The following NIF3L1 variants were observed in gnomAD, a reference collection of about 807,000 sequenced individuals.
NIF3L1 encodes the protein NGG1 interacting factor 3 like 1.
In NIF3L1, 26 loss-of-function variants were observed where a neutral mutation model predicts 35.0. The observed-to-expected ratio is 0.74, with a 90% CI of 0.54 to 1.03. The LOEUF is 1.03. Among genes scored for constraint, NIF3L1 ranks in the 50% least tolerant of loss-of-function variants. The pLI is 0.00. For synonymous variants in NIF3L1, 157 were observed against 178.9 expected, an observed-to-expected ratio of 0.88 and a Z score of 0.98; for missense variants, 449 against 466.3, an observed-to-expected ratio of 0.96 and a Z score of 0.34.
intron 2 of NIF3L1, 73 bp from the exon 3 acceptor site, chr2:200,893,173 C>T: frequency 1.7e-6 from 2 of 1,203,028 alleles, no homozygotes; most frequent in Non-Finnish European, 1.1e-6. Flanking sequence ...GAAATTTTGC[C>T]TATAATAGTT....
At position 200,903,601 on chromosome 2, in the gene NIF3L1, A is replaced by G. The variant is rs767000597; in HGVS notation, c.1057A>G (p.Met353Val). The G allele has an allele frequency of 6.2e-7, 1 of 1,613,924 alleles. No individual in the cohort carries two copies. Among genetic ancestry groups the G allele is most frequent in the Non-Finnish European group, 8.5e-7 (1 of 1,179,764 alleles). ...ERGFLSDLRD[M>V]LDSHLENKIN... ...AGGCTTTCTTTCTGACCTTCGAGATATGCTGGATTCTCACTTGGAGAATAA... is the reference window on the plus strand; with the variant it reads ...AGGCTTTCTTTCTGACCTTCGAGATGTGCTGGATTCTCACTTGGAGAATAA... The change falls in exon 7 of 7, where the codon ATG becomes GTG. Residue 353 changes from methionine to valine, a missense_variant. Physicochemically the swap from Met to Val is conservative, Grantham distance 21. Coordinates refer to ENST00000409020, the MANE Select transcript of NIF3L1 (RefSeq NM_001369441.2).
chr2:200,892,232 T>A lies in NIF3L1; in HGVS notation c.289T>A (p.Phe97Ile), dbSNP rs769454854. The A allele has an allele frequency of 1.2e-6, 2 of 1,614,216 alleles. No individual in the cohort carries two copies. Among genetic ancestry groups the A allele is most frequent in the Admixed American group, 3.3e-5 (2 of 60,030 alleles). Reference sequence around the variant, plus strand: ...CATTCTCTCCTACCATCCGCCTATCTTCCGACCCATGAAGCGCATAACCTG... The same window carrying A: ...CATTCTCTCCTACCATCCGCCTATCATCCGACCCATGAAGCGCATAACCTG... ...DLILSYHPPI[F>I]RPMKRITWNT... The change falls in exon 2 of 7, where the codon TTC (phenylalanine) becomes ATC (isoleucine). Residue 97 changes from phenylalanine to isoleucine, a missense_variant. Transcript: ENST00000409020.
Position 200,903,475 on chromosome 2 carries a change from G to A in NIF3L1, c.950-19G>A, listed in dbSNP as rs766716924. 1.9e-5 allele frequency: 30 copies of A among 1,601,576 alleles called. No homozygotes were observed. The highest frequency in any genetic ancestry group is 2.5e-5 in the Non-Finnish European group (29 of 1,169,550). On this transcript the variant is annotated intron_variant, in intron 6 of 6. Transcript: ENST00000409020. Reference sequence around the variant, plus strand: ...TTCCATATTTAGCATTTAAGAATTTGCTCTTCCCTTTTTGGTAGGTGAGAT... The same window carrying A: ...TTCCATATTTAGCATTTAAGAATTTACTCTTCCCTTTTTGGTAGGTGAGAT...
At chr2:200,892,434 G>A (rs2040218526) in intron 2 of NIF3L1, 55 bp downstream of exon 2, 3 of 1,400,652 alleles carry the variant, frequency 2.1e-6, no homozygotes, top group Admixed American at 2.5e-5. Flanking sequence ...TGAAACTTTA[G>A]GATGTCTTTC....
In NIF3L1 at chr2:200,893,263, C is replaced by T. The variant is rs1178691109; in HGVS notation, c.454C>T (p.Pro152Ser). 4 of 1,552,936 alleles carry T rather than the reference C, an allele frequency of 2.6e-6. No homozygotes were observed. In the Admixed American group the frequency reaches 7.9e-5, roughly 30 times the overall value. ...TTCTCTAGGAGCTTGTACCTCCAGG[C>T]CCATACATCCTTCCAAAGCTCCCAA... The part of the protein sequence containing the change: ...AKGLGACTSR[P>S]IHPSKAPNYP... Residue 152 changes from proline (P) to serine (S), a missense_variant, in exon 3 of 7, where the codon CCC becomes TCC. Physicochemically the swap from Pro to Ser is moderately conservative, Grantham distance 74. Transcript: ENST00000409020.
Position 200,894,328 on chromosome 2 carries a change from C to A in NIF3L1, c.599+920C>A, listed in dbSNP as rs564395852. 2.4e-3 allele frequency among the ~76,000 whole-genome samples: 364 copies of A among 152,246 alleles called. 1 individual carries two copies. Among genetic ancestry groups the A allele is most frequent in the African/African-American group, 8.1e-3 (335 of 41,544 alleles). ...TTTAAAAAAATTCATTTTGCCCCAGCCCCATTTGTAGATGTTCTGTTCACT... is the reference window on the plus strand; with the variant it reads ...TTTAAAAAAATTCATTTTGCCCCAGACCCATTTGTAGATGTTCTGTTCACT... On this transcript the variant is annotated intron_variant, in intron 3 of 6. Transcript: ENST00000409020.
intron 1 of NIF3L1, 32 bp from the exon 2 acceptor site, chr2:200,891,886 C>A: frequency 7.5e-7 from 1 of 1,325,788 alleles, no homozygotes; most frequent in South Asian, 1.4e-5. Context: ...CTAAAGTATA[C>A]CTGTGTACCA....
At chr2:200,902,039 C>T (rs1055724960) in intron 6 of NIF3L1, among the ~76,000 whole-genome samples, 1 of 152,114 alleles carries the variant, frequency 6.6e-6, no homozygotes, top group Non-Finnish European at 1.5e-5. Flanking sequence ...TTGTGGGGAA[C>T]TAAAAAATTC....
intron 5 of NIF3L1, among the ~76,000 whole-genome samples, chr2:200,897,821 T>G (rs1379503355): frequency 3.9e-5 from 6 of 152,230 alleles, no homozygotes; most frequent in Non-Finnish European, 8.8e-5. Flanking sequence ...TTCAACACCT[T>G]CAGTGAGCCT....
rs776251604 is a variant in NIF3L1 at position 200,895,257 on chromosome 2, C to A, written c.600-7C>A. The stretch of plus-strand genomic sequence containing the variant: ...TTGTCCTAAATGGAGTGATTTTTCC[C>A]CCCTAGGACTGGTAATGAGGAACAA... On this transcript the variant is annotated splice_region_variant and splice_polypyrimidine_tract_variant and intron_variant, in intron 3 of 6. Transcript: ENST00000409020. 2 of 1,612,224 alleles carry A rather than the reference C, an allele frequency of 1.2e-6. No homozygotes were observed. Among genetic ancestry groups the A allele is most frequent in the Non-Finnish European group, 1.7e-6 (2 of 1,178,964 alleles).
chr2:200,894,858 G>T (rs1374562771), intron 3 of NIF3L1, among the ~76,000 whole-genome samples: 1 of 152,062 alleles, frequency 6.6e-6, no homozygotes, highest in Non-Finnish European at 1.5e-5. Context: ...TTACAGATGT[G>T]AGCCACTGCA....
At chr2:200,892,478 G>T in intron 2 of NIF3L1, 99 bp downstream of exon 2, 1 of 812,274 alleles carries the variant, frequency 1.2e-6, no homozygotes, top group Non-Finnish European at 1.8e-6. Context: ...GGTTGGGGAG[G>T]GCATGATTCC....
At chr2:200,895,836 T>G (rs1460805735) in intron 4 of NIF3L1, among the ~76,000 whole-genome samples, 6 of 152,220 alleles carry the variant, frequency 3.9e-5, no homozygotes, top group Non-Finnish European at 7.3e-5. Flanking sequence ...CTATCTTTAC[T>G]TTTTGGCTTA....
At chr2:200,890,740 A>T (rs530114141) in intron 1 of NIF3L1, among the ~76,000 whole-genome samples, 24 of 151,972 alleles carry the variant, frequency 1.6e-4, no homozygotes, top group African/African-American at 5.8e-4. Flanking sequence ...TCCTTGTTGG[A>T]TGTAGATACT....
At chr2:200,890,444 A>G (rs1388105566) in intron 1 of NIF3L1, 1 of 152,196 alleles carries the variant, frequency 6.6e-6, no homozygotes, top group Non-Finnish European at 1.5e-5. Flanking sequence ...TTAAACAAGC[A>G]TCTTCATCTC....
At chr2:200,890,401 T>A (rs1392643418) in intron 1 of NIF3L1, 1 of 152,112 alleles carries the variant, frequency 6.6e-6, no homozygotes, top group African/African-American at 2.4e-5. Flanking sequence ...CTCGAGTGGT[T>A]TTTGGAGACC....
At chr2:200,898,190 G>A (rs1044576650) in intron 5 of NIF3L1, among the ~76,000 whole-genome samples, 2 of 152,222 alleles carry the variant, frequency 1.3e-5, no homozygotes, top group African/African-American at 2.4e-5. Context: ...TTATTAGTTC[G>A]TTCTCACGCT....
chr2:200,892,279 G>A lies in NIF3L1; in HGVS notation c.336G>A (p.Leu112=). Residue 112 remains leucine (L), a synonymous_variant, in exon 2 of 7, where the codon CTG becomes CTA. Transcript: ENST00000409020. ...RITWNTWKER[L]VIRALENRVG... ...CCTGGAACACATGGAAGGAGCGCCTGGTGATCCGGGCTCTGGAGAACAGAG... is the reference window on the plus strand; with the variant it reads ...CCTGGAACACATGGAAGGAGCGCCTAGTGATCCGGGCTCTGGAGAACAGAG... 1 of 1,614,106 alleles carries A rather than the reference G, an allele frequency of 6.2e-7. No individual in the cohort carries two copies. Among genetic ancestry groups the A allele is most frequent in the Non-Finnish European group, 8.5e-7 (1 of 1,180,030 alleles).
Position 200,889,627 on chromosome 2 carries a change from T to A in NIF3L1, c.-52T>A, listed in dbSNP as rs755851266. 1.3e-5 allele frequency: 2 copies of A among 154,642 alleles called. No homozygotes were observed. The highest frequency in any genetic ancestry group is 2.9e-5 in the Non-Finnish European group (2 of 69,342). 9.6% of individuals were successfully genotyped at this position (154,642 alleles called of 1,614,324 possible). A position where few individuals can be genotyped will look rare whatever the true frequency, so the allele number is the denominator to read the frequency against. On this transcript the variant is annotated 5_prime_UTR_variant, in exon 1 of 7. Coordinates refer to ENST00000409020, the MANE Select transcript of NIF3L1 (RefSeq NM_001369441.2). ...TCACTGTCCTGGAAAAGGCCTGAAG[T>A]GGCACTGAAATGAGGCATAGATGAG... is the stretch of plus-strand genomic sequence containing the variant.
Sources: allele counts gnomAD v4.1 joint callset (sites outside exome capture counted in the v4.1 genomes callset), GRCh38; gene constraint gnomAD v4.1.1; transcripts MANE v1.5; gene names NCBI Gene and HGNC (gene_info 2026-07-23, HGNC 2026-07-21).